Variants in RBFOX3 observed in about 807,000 individuals in gnomAD.
RBFOX3 encodes the protein RNA binding fox-1 homolog 3, also known as RNA binding protein fox-1 homolog 3.
In RBFOX3, 17 loss-of-function variants were observed where a neutral mutation model predicts 48.7. That is an observed-to-expected ratio of 0.35 (90% CI 0.24 to 0.52). RBFOX3 has a LOEUF of 0.52. Among genes scored for constraint, RBFOX3 ranks in the 20% least tolerant of loss-of-function variants. The pLI is 0.94. For synonymous variants in RBFOX3, 212 were observed against 209.5 expected (o/e 1.01, Z -0.10); for missense variants, 382 against 497.5 (o/e 0.77, Z 2.21).
chr17:79,345,503 T>C (rs2146809357), intron 2 of RBFOX3, among the ~76,000 whole-genome samples: 1 of 152,322 alleles, frequency 6.6e-6, no homozygotes, highest in African/African-American at 2.4e-5. Context: ...GCTTTGAAAG[T>C]CTTGCCAATC....
intron 4 of RBFOX3, among the ~76,000 whole-genome samples, chr17:79,223,186 A>G (rs2059926919): frequency 6.6e-6 from 1 of 152,166 alleles, no homozygotes; most frequent in Non-Finnish European, 1.5e-5. Context: ...TTGAGTGCAC[A>G]TGTGGCAACA....
chr17:79,408,158 C>T (rs562732669), intron 2 of RBFOX3, among the ~76,000 whole-genome samples: 1 of 152,218 alleles, frequency 6.6e-6, no homozygotes, highest in East Asian at 1.9e-4. Context: ...CTCCTGGGGT[C>T]ACTGTGGGGA....
rs2076892004 is a variant in RBFOX3 at position 79,103,860 on chromosome 17, C to T, written c.414+213G>A. Among the ~76,000 whole-genome samples, 5 of 139,056 alleles carry T rather than the reference C, an allele frequency of 3.6e-5. No individual in the cohort carries two copies. In the South Asian group the frequency reaches 1.2e-3, roughly 34 times the overall value. The allele number at this position is 139,056 out of a possible 152,430, so 91.2% of individuals were successfully genotyped here. A position where few individuals can be genotyped will look rare whatever the true frequency, so the allele number is the denominator to read the frequency against. On this transcript the variant is annotated intron_variant, in intron 7 of 14. Transcript: ENST00000693108. The surrounding 1 kb of genome is among the most constrained non-coding windows in gnomAD (Gnocchi z 6.1). ...GGGTGCAGGCAAGAGGTCCTGGTGG[C>T]TCAGAAAGAAAAAGCGGCAGCGGCA...
At chr17:79,181,782 C>T (rs2146111107) in intron 4 of RBFOX3, among the ~76,000 whole-genome samples, 1 of 152,316 alleles carries the variant, frequency 6.6e-6, no homozygotes, top group South Asian at 2.1e-4. Flanking sequence ...AACGGGCTGA[C>T]CCAAGTGCCC....
intron 1 of RBFOX3, among the ~76,000 whole-genome samples, chr17:79,485,830 G>A (rs1022943698): frequency 4.6e-5 from 7 of 152,222 alleles, no homozygotes; most frequent in Admixed American, 1.3e-4. Context: ...CCGGCTAGGC[G>A]AAGGCGCTGC....
At chr17:79,486,578 T>TG (rs2149537714) in intron 1 of RBFOX3, among the ~76,000 whole-genome samples, 1 of 152,304 alleles carries the variant, frequency 6.6e-6, no homozygotes, top group Admixed American at 6.5e-5. Context: ...CGGGCCATCC[T>TG]GGACCCTACC....
chr17:79,200,870 A>T (rs917378205), intron 4 of RBFOX3, among the ~76,000 whole-genome samples: 3 of 151,738 alleles, frequency 2.0e-5, no homozygotes, highest in African/African-American at 4.8e-5. Flanking sequence ...GACAGAAGAA[A>T]TCCACCCAGC....
In RBFOX3 at chr17:79,494,391, C is replaced by T. The variant is rs993813552; in HGVS notation, c.-319-11793G>A. On this transcript the variant is annotated intron_variant, in intron 1 of 14. Transcript: ENST00000693108. ...AGGCCCTGGGCAAGTAGCATAACGT[C>T]TTAAACTTCCACAGCTTGCCTGTAA... Among the ~76,000 whole-genome samples, 1,241 of 152,350 alleles carry T rather than the reference C, an allele frequency of 8.1e-3. 12 individuals carry two copies. The highest frequency in any genetic ancestry group is 0.028 in the African/African-American group (1,147 of 41,584).
chr17:79,570,842 G>A (rs1220750126), intron 1 of RBFOX3, among the ~76,000 whole-genome samples: 3 of 152,334 alleles, frequency 2.0e-5, no homozygotes, highest in African/African-American at 7.2e-5. Flanking sequence ...TGTGGGCCGG[G>A]CTGCTTTGCA....
intron 3 of RBFOX3, among the ~76,000 whole-genome samples, chr17:79,267,392 T>G (rs2066895880): frequency 1.3e-5 from 2 of 150,706 alleles, no homozygotes; most frequent in African/African-American, 4.9e-5. Flanking sequence ...TCACTCTCTC[T>G]CTTTTTTTTT....
intron 2 of RBFOX3, among the ~76,000 whole-genome samples, chr17:79,415,140 G>A (rs1410791418): frequency 6.6e-6 from 1 of 152,212 alleles, no homozygotes; most frequent in Non-Finnish European, 1.5e-5. Context: ...CCACTTGGGG[G>A]TGCAATCTGC....
At chr17:79,385,931 C>A (rs555420802) in intron 2 of RBFOX3, among the ~76,000 whole-genome samples, 1 of 147,312 alleles carries the variant, frequency 6.8e-6, no homozygotes, top group South Asian at 2.2e-4. Flanking sequence ...CTCCATCACC[C>A]TCCATTGCGG....
At chr17:79,244,800 C>A (rs1228118829) in intron 3 of RBFOX3, among the ~76,000 whole-genome samples, 1 of 148,170 alleles carries the variant, frequency 6.7e-6, no homozygotes, top group East Asian at 2.0e-4. Context: ...TTCCTTCCTT[C>A]CCCCTCTCCT....
At chr17:79,229,282 C>T (rs1195702528) in intron 4 of RBFOX3, among the ~76,000 whole-genome samples, 5 of 125,410 alleles carry the variant, frequency 4.0e-5, no homozygotes, top group East Asian at 5.4e-4. Flanking sequence ...CAGGGCTGGG[C>T]GTGGTGGCTC....
chr17:79,657,119 C>G, the RBFOX3 span, among the ~76,000 whole-genome samples: 7 of 152,050 alleles, frequency 4.6e-5, no homozygotes, highest in Non-Finnish European at 8.8e-5. Context: ...ATGGCTCCCC[C>G]ACTGCACCCT....
At chr17:79,314,540 T>C (rs2077276119) in intron 2 of RBFOX3, among the ~76,000 whole-genome samples, 1 of 152,124 alleles carries the variant, frequency 6.6e-6, no homozygotes, top group Non-Finnish European at 1.5e-5. Flanking sequence ...CGGCATTCTC[T>C]GAAATAGCTG....
chr17:79,460,342 T>A (rs2075213881), intron 2 of RBFOX3, among the ~76,000 whole-genome samples: 1 of 152,068 alleles, frequency 6.6e-6, no homozygotes, highest in African/African-American at 2.4e-5. Context: ...TTGTCCTCTC[T>A]ACCTCAACTC....
At chr17:79,118,828 AT>A (rs1303832283) in intron 4 of RBFOX3, among the ~76,000 whole-genome samples, 2 of 143,292 alleles carry the variant, frequency 1.4e-5, no homozygotes, top group East Asian at 2.0e-4. Flanking sequence ...AAAAAAAAAA[AT>A]AGCCAGGTGT....
chr17:79,292,704 G>T (rs2073572925), intron 3 of RBFOX3, among the ~76,000 whole-genome samples: 1 of 152,142 alleles, frequency 6.6e-6, no homozygotes, highest in Admixed American at 6.5e-5. Flanking sequence ...TGAGGGAACA[G>T]CAGTATGCCA....
Sources: allele counts gnomAD v4.1 joint callset (sites outside exome capture counted in the v4.1 genomes callset), GRCh38; gene constraint gnomAD v4.1.1; non-coding constraint Gnocchi (gnomAD v3.1); transcripts MANE v1.5; gene names NCBI Gene and HGNC (gene_info 2026-07-23, HGNC 2026-07-21).